Variants in FMNL1 observed in about 807,000 individuals in gnomAD.
FMNL1 encodes the protein formin like 1.
In FMNL1, 43 loss-of-function variants were observed where a neutral mutation model predicts 121.3. That is an observed-to-expected ratio of 0.35 (90% CI 0.28 to 0.46). The LOEUF (loss-of-function observed/expected upper bound fraction) is 0.46, where lower values mean the gene tolerates loss of function less well. Ranked by LOEUF, FMNL1 falls within the 20% of genes least tolerant of loss-of-function variation. The pLI is 1.00. For missense variants in FMNL1, 1,191 were observed against 1,482.4 expected (o/e 0.80, Z 3.23); for synonymous variants, 613 against 613.5 (o/e 1.00, Z 0.01).
chr17:45,234,156 G>A lies in FMNL1; in HGVS notation c.570G>A (p.Lys190=). Residue 190 remains lysine (K), a synonymous_variant, in exon 6 of 27, where the codon AAG becomes AAA. Transcript: ENST00000331495. ...AGCAGTCTGTGGAAGACCTCAGCAA[G>A]GGTCCACCCTCCTCCGTGCCCAAAA... ...PLEQSVEDLS[K]GPPSSVPKSR... The A allele has an allele frequency of 6.2e-7, 1 of 1,614,144 alleles. No individual in the cohort carries two copies. Among genetic ancestry groups the A allele is most frequent in the Non-Finnish European group, 8.5e-7 (1 of 1,180,032 alleles).
At chr17:45,236,605 C>A (rs754113176) in intron 7 of FMNL1, 3 of 177,544 alleles carry the variant, frequency 1.7e-5, no homozygotes, top group African/African-American at 4.7e-5. Flanking sequence ...TTTACTTAGC[C>A]CGCCTTTAAG....
chr17:45,242,038 C>A lies in FMNL1; in HGVS notation c.1777C>A (p.Pro593Thr). 3 of 1,402,582 alleles carry A rather than the reference C, an allele frequency of 2.1e-6. No individual in the cohort carries two copies. The highest frequency in any genetic ancestry group is 2.8e-6 in the Non-Finnish European group (3 of 1,079,052). 86.9% of individuals were successfully genotyped at this position (1,402,582 alleles called of 1,614,324 possible). ...GCCGCCCCCACCCCCGCCACCGCCA[C>A]CACCTCCGGGCACTGACGGGCCGGT... is the stretch of plus-strand genomic sequence containing the variant. ...DLPPPPPPPP[P>T]PPGTDGPVPP... The change falls in exon 15 of 27, where the codon CCA (proline) becomes ACA (threonine). Residue 593 changes from proline to threonine, a missense_variant. Physicochemically the swap from Pro to Thr is conservative, Grantham distance 38. Transcript: ENST00000331495.
chr17:45,227,080 G>C (rs1388329244), intron 1 of FMNL1, among the ~76,000 whole-genome samples: 1 of 152,146 alleles, frequency 6.6e-6, no homozygotes, highest in Non-Finnish European at 1.5e-5. Context: ...GGGGGAGTGG[G>C]GGCTGGGGGA....
chr17:45,233,000 C>T (rs1237984081), intron 3 of FMNL1: 7 of 652,006 alleles, frequency 1.1e-5, no homozygotes, highest in Admixed American at 2.1e-5. Context: ...GCCCATGTAT[C>T]GGGGGTGTGT....
Position 45,241,700 on chromosome 17 carries a change from G to C in FMNL1, c.1585+66G>C. 1 of 1,443,578 alleles carries C rather than the reference G, an allele frequency of 6.9e-7. No individual in the cohort carries two copies. Among genetic ancestry groups the C allele is most frequent in the Non-Finnish European group, 9.1e-7 (1 of 1,102,822 alleles). 89.4% of individuals were successfully genotyped at this position (1,443,578 alleles called of 1,614,324 possible). A position where few individuals can be genotyped will look rare whatever the true frequency, so the allele number is the denominator to read the frequency against. ...TCTGGAGGGGAGCCCAGGGGCATCTGTGGCGGGCAGAGTTGGGCGAGGGAG... is the reference window on the plus strand; with the variant it reads ...TCTGGAGGGGAGCCCAGGGGCATCTCTGGCGGGCAGAGTTGGGCGAGGGAG... On this transcript the variant is annotated intron_variant, in intron 14 of 26. Coordinates refer to ENST00000331495, the MANE Select transcript of FMNL1 (RefSeq NM_005892.4). This position sits in a 1 kb window ranked among gnomAD's most constrained non-coding sequence, Gnocchi z 7.0.
intron 1 of FMNL1, among the ~76,000 whole-genome samples, chr17:45,225,810 C>A (rs1461075796): frequency 6.6e-6 from 1 of 152,134 alleles, no homozygotes; most frequent in Non-Finnish European, 1.5e-5. Context: ...GGACAAGTTA[C>A]TTAACTTCTC....
rs1598187218 is a variant in FMNL1 at position 45,231,619 on chromosome 17, C to T, written c.214-748C>T. Among the ~76,000 whole-genome samples the T allele has an allele frequency of 6.6e-6, 1 of 152,036 alleles. No individual in the cohort carries two copies. The highest frequency in any genetic ancestry group is 1.5e-5 in the Non-Finnish European group (1 of 67,992). On this transcript the variant is annotated intron_variant, in intron 2 of 26. Coordinates refer to ENST00000331495, the MANE Select transcript of FMNL1 (RefSeq NM_005892.4). This position sits in a 1 kb window ranked among gnomAD's most constrained non-coding sequence, Gnocchi z 4.7. ...GGTTTGGGTTGGAAGGGTGGGGGCC[C>T]CTCTGGGGAGGGGTCTTTGCCGTGG...
At position 45,237,334 on chromosome 17, in the gene FMNL1, G is replaced by A. The variant is rs1454657970; in HGVS notation, c.777G>A (p.Leu259=). The A allele has an allele frequency of 6.2e-6, 10 of 1,614,180 alleles. No individual in the cohort carries two copies. Among genetic ancestry groups the A allele is most frequent in the Non-Finnish European group, 8.5e-6 (10 of 1,180,028 alleles). ...CAGCCTGTGTCAATGAGATTGCTCTGAGCCTCAACAACAAGAACCCCAGGT... is the reference window on the plus strand; with the variant it reads ...CAGCCTGTGTCAATGAGATTGCTCTAAGCCTCAACAACAAGAACCCCAGGT... The part of the protein sequence containing the change: ...NHPACVNEIA[L]SLNNKNPRTK... The change falls in exon 8 of 27, where the codon CTG becomes CTA. Residue 259 remains leucine (L), a synonymous_variant. Coordinates refer to ENST00000331495, the MANE Select transcript of FMNL1 (RefSeq NM_005892.4). This position sits in a 1 kb window ranked among gnomAD's most constrained non-coding sequence, Gnocchi z 4.4.
chr17:45,230,983 C>T (rs932370035), intron 2 of FMNL1, among the ~76,000 whole-genome samples: 1 of 152,220 alleles, frequency 6.6e-6, no homozygotes, highest in Admixed American at 6.5e-5. Flanking sequence ...CACTGTCCTC[C>T]TGCTGAGCTT....
rs2043858534 is a variant in FMNL1, at chr17:45,247,242, C to G, written c.*384C>G. On this transcript the variant is annotated 3_prime_UTR_variant, in exon 27 of 27. Coordinates refer to ENST00000331495, the MANE Select transcript of FMNL1 (RefSeq NM_005892.4). ...GGCCTGTAACTTATAAAGTGCACCT[C>G]GCCCCCGCAAGCCCCAGCCCCGAGG... The G allele has an allele frequency of 6.6e-6, 3 of 456,110 alleles. No individual in the cohort carries two copies. The highest frequency in any genetic ancestry group is 1.2e-5 in the Non-Finnish European group (3 of 254,718). 28.3% of individuals were successfully genotyped at this position (456,110 alleles called of 1,614,324 possible). A position where few individuals can be genotyped will look rare whatever the true frequency, so the allele number is the denominator to read the frequency against.
intron 5 of FMNL1, 22 bp from the exon 6 acceptor site, chr17:45,234,050 C>T (rs1269801046): frequency 6.2e-7 from 1 of 1,612,546 alleles, no homozygotes; most frequent in Non-Finnish European, 8.5e-7. Context: ...TGGCCTCCAG[C>T]CCCATTGCAT....
chr17:45,222,269 A>G lies in FMNL1; in HGVS notation c.129+16A>G. 8.6e-7 allele frequency: 1 copy of G among 1,156,378 alleles called. No individual in the cohort carries two copies. The highest frequency in any genetic ancestry group is 1.1e-6 in the Non-Finnish European group (1 of 938,824). The allele number at this position is 1,156,378 out of a possible 1,614,324, so 71.6% of individuals were successfully genotyped here. On this transcript the variant is annotated intron_variant, in intron 1 of 26. Coordinates refer to ENST00000331495, the MANE Select transcript of FMNL1 (RefSeq NM_005892.4). Reference sequence around the variant, plus strand: ...CCGCGCCCTGGTGAGTGCGACCCGGAGGCGGGTCGGGCGCGGGCGGGGGGC... The same window carrying G: ...CCGCGCCCTGGTGAGTGCGACCCGGGGGCGGGTCGGGCGCGGGCGGGGGGC...
rs2043576130 is a variant in FMNL1, at chr17:45,237,454, C to T, written c.801-92C>T. On this transcript the variant is annotated intron_variant, in intron 8 of 26. Coordinates refer to ENST00000331495, the MANE Select transcript of FMNL1 (RefSeq NM_005892.4). This position sits in a 1 kb window ranked among gnomAD's most constrained non-coding sequence, Gnocchi z 4.4. The stretch of plus-strand genomic sequence containing the variant: ...CTCCAGGTCTCAGAGGCTCATTCTG[C>T]ACCCACTATGCTCCTCCTAGCCAGG... 1.9e-6 allele frequency: 3 copies of T among 1,605,314 alleles called. No homozygotes were observed. The highest frequency in any genetic ancestry group is 2.7e-5 in the African/African-American group (2 of 74,768).
At chr17:45,223,198 G>A (rs1257408303) in intron 1 of FMNL1, among the ~76,000 whole-genome samples, 3 of 152,228 alleles carry the variant, frequency 2.0e-5, no homozygotes, top group Non-Finnish European at 2.9e-5. Context: ...CTTGCTGGAC[G>A]CTGGGTGACA....
intron 24 of FMNL1, 60 bp downstream of exon 24, chr17:45,246,033 C>A: frequency 6.6e-7 from 1 of 1,515,626 alleles, no homozygotes. Context: ...TCTCATCACC[C>A]TCTGGTGCCA....
rs542025302 is a variant in FMNL1 at position 45,242,042 on chromosome 17, C to T, written c.1781C>T (p.Pro594Leu). ...LPPPPPPPPP[P>L]PGTDGPVPPP... ...CCCCCACCCCCGCCACCGCCACCAC[C>T]TCCGGGCACTGACGGGCCGGTGCCT... Residue 594 changes from proline (P) to leucine (L), a missense_variant, in exon 15 of 27, where the codon CCT becomes CTT. Pro to Leu is a moderately conservative substitution (Grantham distance 98). This residue lies in a region of FMNL1 where 519 missense variants were observed against 492.8 expected (regional missense o/e 1.05). Transcript: ENST00000331495. 1,334 of 1,454,806 alleles carry T rather than the reference C, an allele frequency of 9.2e-4. 9 individuals carry two copies. The highest frequency in any genetic ancestry group is 5.0e-3 in the South Asian group (394 of 78,060). The allele number at this position is 1,454,806 out of a possible 1,614,324, so 90.1% of individuals were successfully genotyped here.
intron 17 of FMNL1, among the ~76,000 whole-genome samples, 168 bp downstream of exon 17, chr17:45,243,488 C>T (rs2043756359): frequency 6.6e-6 from 1 of 152,198 alleles, no homozygotes; most frequent in South Asian, 2.1e-4. Flanking sequence ...AAACTCAGTC[C>T]ATGCCTAAAT....
Position 45,247,099 on chromosome 17 carries a change from G to T in FMNL1, c.*241G>T. On this transcript the variant is annotated 3_prime_UTR_variant, in exon 27 of 27. Coordinates refer to ENST00000331495, the MANE Select transcript of FMNL1 (RefSeq NM_005892.4). The stretch of plus-strand genomic sequence containing the variant: ...GCTGTGGCCCGCCTCAAACGGGCTG[G>T]TGCATCCTCCTCTTGGCCACAGAGG... The T allele has an allele frequency of 1.7e-6, 1 of 603,722 alleles. No homozygotes were observed. Among genetic ancestry groups the T allele is most frequent in the Non-Finnish European group, 3.0e-6 (1 of 333,646 alleles). The allele number at this position is 603,722 out of a possible 1,614,324, so 37.4% of individuals were successfully genotyped here.
At position 45,232,360 on chromosome 17, in the gene FMNL1, T is replaced by C; in HGVS notation, c.214-7T>C. ...GGTTTTCTGTACACCCCATTCCATC[T>C]CCCCAGGAGCGGTTTCAAGTCAAGA... On this transcript the variant is annotated splice_polypyrimidine_tract_variant and splice_region_variant and intron_variant, in intron 2 of 26. Coordinates refer to ENST00000331495, the MANE Select transcript of FMNL1 (RefSeq NM_005892.4). The C allele has an allele frequency of 6.2e-7, 1 of 1,613,368 alleles. No homozygotes were observed.
Sources: allele counts gnomAD v4.1 joint callset (sites outside exome capture counted in the v4.1 genomes callset), GRCh38; gene constraint gnomAD v4.1.1; regional missense constraint gnomAD v4.1.1; non-coding constraint Gnocchi (gnomAD v3.1); transcripts MANE v1.5; gene names NCBI Gene and HGNC (gene_info 2026-07-23, HGNC 2026-07-21).